TDRD9: variants seen among roughly 807,000 people sequenced by gnomAD.
TDRD9 encodes ATP-dependent RNA helicase TDRD9.
A neutral mutation model predicts 172.6 loss-of-function variants in TDRD9; 124 were observed. The observed-to-expected ratio is 0.72, with a 90% CI of 0.62 to 0.83. The LOEUF is 0.83. Among genes scored for constraint, TDRD9 ranks in the 40% least tolerant of loss-of-function variants. TDRD9 has a pLI of 0.00. For missense variants in TDRD9, 1,479 were observed against 1,714.1 expected, an observed-to-expected ratio of 0.86 and a Z score of 2.42; for synonymous variants, 619 against 617.1, an observed-to-expected ratio of 1.00 and a Z score of -0.05.
chr14:103,996,662 G>A (rs1379824139), intron 12 of TDRD9, among the ~76,000 whole-genome samples: 1 of 152,192 alleles, frequency 6.6e-6, no homozygotes, highest in Non-Finnish European at 1.5e-5. Context: ...AGATGATAAT[G>A]AGCAGGTGTT....
At chr14:104,010,608 A>G (rs1383730525) in intron 20 of TDRD9, among the ~76,000 whole-genome samples, 1 of 150,264 alleles carries the variant, frequency 6.7e-6, no homozygotes, top group Non-Finnish European at 1.5e-5. Flanking sequence ...AGACATGTGA[A>G]GTTAATTTAA....
chr14:104,008,343 A>G (rs2034510205), intron 19 of TDRD9, 70 bp from the exon 20 acceptor site: 2 of 943,756 alleles, frequency 2.1e-6, no homozygotes, highest in African/African-American at 1.7e-5. Flanking sequence ...TGAAATATGT[A>G]TTAAAGTAGC....
chr14:103,986,024 A>G (rs1043399698), intron 7 of TDRD9, among the ~76,000 whole-genome samples, 193 bp from the exon 8 acceptor site: 1 of 152,202 alleles, frequency 6.6e-6, no homozygotes, highest in Non-Finnish European at 1.5e-5. Context: ...ATGGCACTTT[A>G]TGTGTCCACT....
rs1566798982 is a variant in TDRD9, at chr14:104,035,071, CTT to C, written c.3716+16_3716+17del. ...ATAGAGTTAAGGTACGGGCATCCCTCTTGTCTATAGGCTTTGTAAAATAAGAA... is the reference window on the plus strand; with the variant it reads ...ATAGAGTTAAGGTACGGGCATCCCTCGTCTATAGGCTTTGTAAAATAAGAA... On this transcript the variant is annotated intron_variant, in intron 32 of 35. Coordinates refer to ENST00000409874, the MANE Select transcript of TDRD9 (RefSeq NM_153046.3). The C allele has an allele frequency of 3.9e-6, 6 of 1,545,454 alleles. No individual in the cohort carries two copies. Among genetic ancestry groups the C allele is most frequent in the Admixed American group, 2.0e-5 (1 of 50,976 alleles).
chr14:104,044,094 G>A (rs972258949), intron 34 of TDRD9, among the ~76,000 whole-genome samples: 15 of 152,092 alleles, frequency 9.9e-5, no homozygotes, highest in African/African-American at 3.6e-4. Context: ...ATAAGAGAGG[G>A]GCCTGCAGGC....
chr14:103,935,803 C>T (rs542697130), intron 1 of TDRD9, among the ~76,000 whole-genome samples: 43 of 152,276 alleles, frequency 2.8e-4, no homozygotes, highest in African/African-American at 9.6e-4. Context: ...GTGCCCTGCA[C>T]ACGCATATCT....
chr14:104,032,133 C>T, intron 30 of TDRD9, 46 bp downstream of exon 30: 3 of 1,212,260 alleles, frequency 2.5e-6, no homozygotes, highest in Non-Finnish European at 3.5e-6. Context: ...CTCTGCTTTT[C>T]TGTTTATAGA....
intron 33 of TDRD9, among the ~76,000 whole-genome samples, chr14:104,040,652 C>T (rs74089139): frequency 1.6e-3 from 241 of 152,314 alleles, no homozygotes; most frequent in African/African-American, 5.6e-3. Context: ...GGGTCTCATT[C>T]CAAGTCAGGA....
intron 1 of TDRD9, among the ~76,000 whole-genome samples, chr14:103,951,879 G>T (rs1390426856): frequency 6.7e-6 from 1 of 150,244 alleles, no homozygotes; most frequent in Non-Finnish European, 1.5e-5. Context: ...CCGTTCTCCT[G>T]CCTCAGCCTC....
At chr14:103,990,806 C>T (rs938634013) in intron 8 of TDRD9, among the ~76,000 whole-genome samples, 27 of 152,182 alleles carry the variant, frequency 1.8e-4, no homozygotes, top group African/African-American at 5.5e-4. Context: ...CAAATCCTTT[C>T]TAATAGTTTG....
chr14:104,040,367 C>T (rs887390003), intron 33 of TDRD9, 33 bp downstream of exon 33: 1 of 1,498,056 alleles, frequency 6.7e-7, no homozygotes, highest in Admixed American at 2.1e-5. Context: ...GCACCACAAC[C>T]CTGTCTCTCT....
At chr14:104,004,213 C>T (rs1566775330) in intron 13 of TDRD9, 25 bp from the exon 14 acceptor site, 2 of 1,259,516 alleles carry the variant, frequency 1.6e-6, no homozygotes, top group Non-Finnish European at 2.3e-6. Context: ...ATGCCAAACA[C>T]TGTTTGCACA....
At chr14:104,010,968 T>C (rs1304325392) in intron 20 of TDRD9, among the ~76,000 whole-genome samples, 3 of 152,240 alleles carry the variant, frequency 2.0e-5, no homozygotes, top group African/African-American at 7.2e-5. Flanking sequence ...TTGTATGTGC[T>C]AGACTTTCAT....
At chr14:104,018,566 A>G (rs531465198) in intron 23 of TDRD9, among the ~76,000 whole-genome samples, 1 of 152,316 alleles carries the variant, frequency 6.6e-6, no homozygotes, top group East Asian at 1.9e-4. Context: ...AGGTGATCCA[A>G]AATAGAGTGT....
chr14:104,001,747 T>A (rs1335536875), intron 13 of TDRD9, among the ~76,000 whole-genome samples: 2 of 152,288 alleles, frequency 1.3e-5, no homozygotes, highest in Non-Finnish European at 2.9e-5. Flanking sequence ...TAGCTGGGAC[T>A]ACAGGCATGC....
intron 33 of TDRD9, 26 bp downstream of exon 33, chr14:104,040,360 C>A: frequency 6.6e-7 from 1 of 1,511,572 alleles, no homozygotes; most frequent in Non-Finnish European, 8.9e-7. Flanking sequence ...CATCACGGCA[C>A]CACAACCCTG....
Position 103,963,188 on chromosome 14 carries a change from T to C in TDRD9, c.420+12T>C. The C allele has an allele frequency of 6.6e-7, 1 of 1,525,394 alleles. No homozygotes were observed. Among genetic ancestry groups the C allele is most frequent in the South Asian group, 1.2e-5 (1 of 81,422 alleles). 94.5% of individuals were successfully genotyped at this position (1,525,394 alleles called of 1,614,324 possible). On this transcript the variant is annotated intron_variant, in intron 3 of 35. Coordinates refer to ENST00000409874, the MANE Select transcript of TDRD9 (RefSeq NM_153046.3). ...GATACAAGGAAGAGGTAAAATTGTT[T>C]TGTTATACTGTAATTTTGCTGTTTG... is the stretch of plus-strand genomic sequence containing the variant.
intron 1 of TDRD9, among the ~76,000 whole-genome samples, chr14:103,948,442 C>G (rs1051725380): frequency 6.6e-6 from 1 of 151,916 alleles, no homozygotes; most frequent in Non-Finnish European, 1.5e-5. Context: ...GGTGGATCTT[C>G]AAAAAATTAA....
chr14:103,931,143 AC>A (rs2030363644), intron 1 of TDRD9, among the ~76,000 whole-genome samples: 1 of 151,432 alleles, frequency 6.6e-6, no homozygotes, highest in African/African-American at 2.4e-5. Flanking sequence ...AAAAAAAAAA[AC>A]AAAAATTTGC....
Sources: gnomAD v4.1 joint callset for allele counts (sites outside exome capture counted in the v4.1 genomes callset) on GRCh38, gnomAD v4.1.1 for gene constraint, MANE v1.5 for transcripts, NCBI Gene and HGNC (gene_info 2026-07-23, HGNC 2026-07-21) for gene names.